Variants in HSPA12A observed in about 807,000 individuals in gnomAD.
HSPA12A encodes the protein heat shock 70 kDa protein 12A.
Under a neutral mutation model 69.2 loss-of-function variants are expected in HSPA12A, and 28 were observed. The observed-to-expected ratio is 0.40, with a 90% CI of 0.30 to 0.55. The LOEUF (loss-of-function observed/expected upper bound fraction) is 0.55. Among genes scored for constraint, HSPA12A ranks in the 20% least tolerant of loss-of-function variants. The pLI is 0.38. For missense variants in HSPA12A, 686 were observed against 900.7 expected (o/e 0.76, Z 3.05); for synonymous variants, 345 against 370.5 (o/e 0.93, Z 0.79).
At chr10:116,718,565 T>G (rs1554884033) in intron 1 of HSPA12A, among the ~76,000 whole-genome samples, 1 of 152,104 alleles carries the variant, frequency 6.6e-6, no homozygotes, top group East Asian at 1.9e-4. Context: ...CCAAAACAGT[T>G]GTACGGCTTG....
chr10:116,773,191 G>C (rs1554890689), intron 2 of HSPA12A, among the ~76,000 whole-genome samples: 1 of 152,230 alleles, frequency 6.6e-6, no homozygotes, highest in African/African-American at 2.4e-5. Flanking sequence ...GGAGGCAAGA[G>C]CAGGCCCAGG....
intron 1 of HSPA12A, among the ~76,000 whole-genome samples, chr10:116,716,276 C>T (rs974681560): frequency 6.6e-6 from 1 of 152,186 alleles, no homozygotes; most frequent in Non-Finnish European, 1.5e-5. Flanking sequence ...CTTTGTCCTT[C>T]AGACTTGCTG....
At chr10:116,698,076 C>A (rs1849967905) in intron 5 of HSPA12A, 1 of 114,230 alleles carries the variant, frequency 8.8e-6, no homozygotes, top group African/African-American at 2.7e-5. Context: ...GAATAACATT[C>A]ATTGTAAGAT....
At chr10:116,849,828 T>G (rs999184971), upstream of HSPA12A, 42 of 1,357,948 alleles carry the variant, frequency 3.1e-5, no homozygotes, top group Admixed American at 3.8e-4. Flanking sequence ...CCTCAGAATC[T>G]CGCATGCCAG....
intron 2 of HSPA12A, among the ~76,000 whole-genome samples, chr10:116,772,051 G>A (rs1844223941): frequency 6.6e-6 from 1 of 152,222 alleles, no homozygotes; most frequent in South Asian, 2.1e-4. Context: ...GGCAGGACGA[G>A]GCTGGATGCC....
intron 1 of HSPA12A, among the ~76,000 whole-genome samples, chr10:116,840,821 C>T (rs1845791302): frequency 6.6e-6 from 1 of 152,134 alleles, no homozygotes; most frequent in African/African-American, 2.4e-5. Flanking sequence ...TTGGTTGTGA[C>T]CTTTGGGAAG....
At chr10:116,782,901 T>G (rs1844494371) in intron 2 of HSPA12A, among the ~76,000 whole-genome samples, 1 of 152,182 alleles carries the variant, frequency 6.6e-6, no homozygotes, top group East Asian at 1.9e-4. Flanking sequence ...CCTGGCAACA[T>G]ACCAAGCCCA....
chr10:116,833,205 G>C (rs113631874), intron 2 of HSPA12A: 8 of 152,114 alleles, frequency 5.3e-5, no homozygotes, highest in Non-Finnish European at 1.0e-4. Flanking sequence ...GTCTGTTCAC[G>C]TGCGTTTGTG....
At chr10:116,704,281 T>TA (rs1237482067) in intron 3 of HSPA12A, among the ~76,000 whole-genome samples, 1 of 151,600 alleles carries the variant, frequency 6.6e-6, no homozygotes, top group African/African-American at 2.4e-5. Flanking sequence ...TATGCAGCCA[T>TA]AAAAAATGAT....
chr10:116,729,902 C>T (rs879952810), intron 1 of HSPA12A, among the ~76,000 whole-genome samples: 9 of 152,334 alleles, frequency 5.9e-5, no homozygotes, highest in Middle Eastern at 3.4e-3. Context: ...CTGAGTACCT[C>T]GTGTGTGCCC....
chr10:116,732,697 C>A (rs1589669999), intron 1 of HSPA12A, among the ~76,000 whole-genome samples: 1 of 152,316 alleles, frequency 6.6e-6, no homozygotes, highest in East Asian at 1.9e-4. Flanking sequence ...TTGAGTTAAG[C>A]ATTCTTCAAA....
At chr10:116,809,993 G>A (rs1845143933) in intron 2 of HSPA12A, among the ~76,000 whole-genome samples, 1 of 152,194 alleles carries the variant, frequency 6.6e-6, no homozygotes, top group Non-Finnish European at 1.5e-5. Context: ...AAGGCTATGT[G>A]GACCAGAGAG....
At chr10:116,745,045 G>T (rs567483031), upstream of HSPA12A, among the ~76,000 whole-genome samples, 1 of 152,092 alleles carries the variant, frequency 6.6e-6, no homozygotes, top group Non-Finnish European at 1.5e-5. Context: ...CCCCACCTGG[G>T]GGGTCACTCC....
chr10:116,819,342 C>A (rs568288306), intron 2 of HSPA12A, among the ~76,000 whole-genome samples: 3 of 152,328 alleles, frequency 2.0e-5, no homozygotes, highest in Admixed American at 1.3e-4. Flanking sequence ...TTGCACTTTA[C>A]ATAGGAGGGT....
chr10:116,800,194 A>G (rs755524104), intron 2 of HSPA12A, among the ~76,000 whole-genome samples: 29 of 152,150 alleles, frequency 1.9e-4, no homozygotes, highest in Non-Finnish European at 4.0e-4. Flanking sequence ...TAGCTTCGGT[A>G]CCAGCCAAGT....
At chr10:116,696,002 C>CAAAAAAAAAAAAAAAAAAAAAAA (rs71013609) in intron 5 of HSPA12A, among the ~76,000 whole-genome samples, 11 of 32,722 alleles carry the variant, frequency 3.4e-4, no homozygotes, top group African/African-American at 3.1e-4. Flanking sequence ...GACTCCATCT[C>CAAAAAAAAAAAAAAAAAAAAAAA]AAAAAAAAAA....
At position 116,710,135 on chromosome 10, in the gene HSPA12A, C is replaced by T. The variant is rs1349667037; in HGVS notation, c.41-2850G>A. ...CCACTAGGGGTTCCAGCCAGATGGTCCTTCCACCTGTTGGTGAGAGGTCCT... is the reference window on the plus strand; with the variant it reads ...CCACTAGGGGTTCCAGCCAGATGGTTCTTCCACCTGTTGGTGAGAGGTCCT... On this transcript the variant is annotated intron_variant, in intron 1 of 11. Coordinates refer to ENST00000369209, the MANE Select transcript of HSPA12A (RefSeq NM_025015.3). This position sits in a 1 kb window ranked among gnomAD's most constrained non-coding sequence, Gnocchi z 4.1. Among the ~76,000 whole-genome samples the T allele has an allele frequency of 6.6e-6, 1 of 152,178 alleles. No homozygotes were observed. Among genetic ancestry groups the T allele is most frequent in the Non-Finnish European group, 1.5e-5 (1 of 68,042 alleles).
intron 1 of HSPA12A, among the ~76,000 whole-genome samples, chr10:116,843,353 GT>G (rs1315943195): frequency 1.3e-5 from 2 of 152,146 alleles, no homozygotes; most frequent in Non-Finnish European, 1.5e-5. Context: ...CTAAATAAAG[GT>G]TTTCAGACAA....
rs554313126 is a variant in HSPA12A, at chr10:116,815,206, C to G, written c.91+19729G>C. 1.3e-4 allele frequency among the ~76,000 whole-genome samples: 18 copies of G among 133,774 alleles called. No individual in the cohort carries two copies. The East Asian group carries it at 3.9e-3, about 29-fold the overall frequency. The allele number at this position is 133,774 out of a possible 152,430, so 87.8% of individuals were successfully genotyped here. ...TTCCAACTTTGGGTCACCTATAAAT[C>G]TGCCCAGAGTGGTGGATATCCTCTG... On this transcript the variant is annotated intron_variant, in intron 2 of 12. Coordinates refer to the HSPA12A transcript ENST00000635765.
Sources: gnomAD v4.1 joint callset for allele counts (sites outside exome capture counted in the v4.1 genomes callset) on GRCh38, gnomAD v4.1.1 for gene constraint, Gnocchi (gnomAD v3.1) non-coding constraint, MANE v1.5 for transcripts, NCBI Gene and HGNC (gene_info 2026-07-23, HGNC 2026-07-21) for gene names.